The following FAT3 variants were observed in gnomAD, a reference collection of about 807,000 sequenced individuals.
The protein encoded by FAT3 is protocadherin Fat 3.
A neutral mutation model predicts 310.2 loss-of-function variants in FAT3; 95 were observed. That is an observed-to-expected ratio of 0.31 (90% CI 0.26 to 0.36). The LOEUF (loss-of-function observed/expected upper bound fraction) is 0.36. FAT3 is among the 10% of genes least tolerant of loss of function. The pLI is 1.00. For missense variants in FAT3, 5,408 were observed against 5,715.6 expected, an observed-to-expected ratio of 0.95 and a Z score of 1.74; for synonymous variants, 2,314 against 2,192.9, an observed-to-expected ratio of 1.06 and a Z score of -1.54.
intron 2 of FAT3, among the ~76,000 whole-genome samples, chr11:92,466,963 T>G (rs1466783682): frequency 6.6e-6 from 1 of 152,108 alleles, no homozygotes; most frequent in African/African-American, 2.4e-5. Context: ...GTGCCACATT[T>G]TCTTAATCCA....
chr11:92,790,476 G>A (rs1392624164), intron 8 of FAT3, among the ~76,000 whole-genome samples: 2 of 152,200 alleles, frequency 1.3e-5, no homozygotes, highest in Non-Finnish European at 2.9e-5. Flanking sequence ...GCTCCAAACA[G>A]ACTGACTTGA....
At chr11:92,511,427 A>G in intron 2 of FAT3, among the ~76,000 whole-genome samples, 1 of 152,142 alleles carries the variant, frequency 6.6e-6, no homozygotes, top group East Asian at 1.9e-4. Context: ...CTTGTCTTTA[A>G]AGAACCAGAC....
intron 3 of FAT3, among the ~76,000 whole-genome samples, chr11:92,603,979 A>C (rs1940155852): frequency 6.6e-6 from 1 of 152,164 alleles, no homozygotes; most frequent in African/African-American, 2.4e-5. Flanking sequence ...TTATATTCAA[A>C]ATGCTGTAAT....
chr11:92,767,145 A>T (rs1397331672), intron 6 of FAT3, among the ~76,000 whole-genome samples: 3 of 151,394 alleles, frequency 2.0e-5, no homozygotes, highest in Non-Finnish European at 4.4e-5. Flanking sequence ...GCTACTGGGG[A>T]GGCTGAGGCA....
intron 2 of FAT3, among the ~76,000 whole-genome samples, chr11:92,421,929 G>A (rs1950541015): frequency 6.6e-6 from 1 of 152,214 alleles, no homozygotes. Context: ...CATTTAGACA[G>A]TGAGAGATCC....
intron 1 of FAT3, among the ~76,000 whole-genome samples, chr11:92,329,428 CATAGTA>C (rs1947849867): frequency 1.3e-5 from 2 of 152,028 alleles, no homozygotes; most frequent in South Asian, 4.2e-4. Context: ...CTTCCCCTTC[CATAGTA>C]AGTAGAAGCA....
intron 2 of FAT3, among the ~76,000 whole-genome samples, chr11:92,465,888 A>C (rs554021669): frequency 1.3e-5 from 2 of 152,300 alleles, no homozygotes; most frequent in South Asian, 4.1e-4. Context: ...TGGATTGGTG[A>C]AACAGGGAAA....
At chr11:92,271,977 T>G (rs1030835571) in intron 1 of FAT3, among the ~76,000 whole-genome samples, 1 of 152,112 alleles carries the variant, frequency 6.6e-6, no homozygotes, top group African/African-American at 2.4e-5. Context: ...GGGGGTAGTT[T>G]GTGTGAGACT....
At chr11:92,869,287 A>G (rs1306588418) in intron 22 of FAT3, among the ~76,000 whole-genome samples, 1 of 152,192 alleles carries the variant, frequency 6.6e-6, no homozygotes. Flanking sequence ...GGCTACTCCC[A>G]AGCCTAGCCA....
chr11:92,829,115 A>G lies in FAT3; in HGVS notation c.9482-2507A>G, dbSNP rs368971382. Among the ~76,000 whole-genome samples, 4 of 152,310 alleles carry G rather than the reference A, an allele frequency of 2.6e-5. No homozygotes were observed. In the East Asian group the frequency reaches 7.7e-4, roughly 29 times the overall value. ...CTGAAAAGGAAAAATTTCCAAGCAT[A>G]GATCTCCTGAAATCCCTAAGGAGAT... On this transcript the variant is annotated intron_variant, in intron 13 of 27. Transcript: ENST00000525166.
chr11:92,557,220 C>G (rs1294266980), intron 3 of FAT3, among the ~76,000 whole-genome samples: 1 of 151,894 alleles, frequency 6.6e-6, no homozygotes, highest in Non-Finnish European at 1.5e-5. Context: ...CGTAAGTTTC[C>G]TGGCCTTACC....
In FAT3 at chr11:92,681,962, T is replaced by C. The variant is rs375095088; in HGVS notation, c.3608-15422T>C. Among the ~76,000 whole-genome samples, 5 of 152,290 alleles carry C rather than the reference T, an allele frequency of 3.3e-5. No individual in the cohort carries two copies. The East Asian group carries it at 7.7e-4, about 24-fold the overall frequency. ...ACAGAATAGAAATAAAGTGTGAAAA[T>C]GGGGAAACCATCCCTGTGCACTTTC... On this transcript the variant is annotated intron_variant, in intron 3 of 27. Transcript: ENST00000525166.
chr11:92,789,998 A>G lies in FAT3; in HGVS notation c.4391A>G (p.Asn1464Ser). The G allele has an allele frequency of 6.2e-7, 1 of 1,613,824 alleles. No individual in the cohort carries two copies. The highest frequency in any genetic ancestry group is 1.7e-5 in the Admixed American group (1 of 59,998). The change falls in exon 8 of 28, where the codon AAT becomes AGT. Residue 1464 changes from asparagine to serine, a missense_variant. Asn to Ser is a conservative substitution (Grantham distance 46). Transcript: ENST00000525166. ...AATGGCCCAGAATTCTCTCAGCCGA[A>G]TTACGATGTGACAATTTCCGAGGAT... is the stretch of plus-strand genomic sequence containing the variant. ...NDNGPEFSQP[N>S]YDVTISEDVL... is the part of the protein sequence containing the mutation.
At position 92,293,013 on chromosome 11, in the gene FAT3, AAAGGAAGGAAGGAAGGAAGGAAGG is replaced by A. The variant is rs71477581; in HGVS notation, c.-17-59040_-17-59017del. 7.9e-3 allele frequency among the ~76,000 whole-genome samples: 871 copies of A among 110,432 alleles called. 5 individuals are homozygous for A. The highest frequency in any genetic ancestry group is 0.028 in the Middle Eastern group (6 of 218). 72.4% of individuals were successfully genotyped at this position (110,432 alleles called of 152,430 possible). ...CCTGGACAACATGGCGAGACTCTGC[AAAGGAAGGAAGGAAGGAAGGAAGG>A]AAGGAAGGAAGGAAGGAAGGAAGGA... On this transcript the variant is annotated intron_variant, in intron 1 of 27. Transcript: ENST00000525166.
intron 3 of FAT3, among the ~76,000 whole-genome samples, chr11:92,595,290 CAG>C (rs1176726190): frequency 2.9e-4 from 44 of 152,108 alleles, no homozygotes. Context: ...CAAGGCTTCT[CAG>C]AGAGTCCTCC....
Position 92,663,031 on chromosome 11 carries a change from G to T in FAT3, c.3608-34353G>T, listed in dbSNP as rs144494017. Among the ~76,000 whole-genome samples the T allele has an allele frequency of 3.3e-3, 508 of 152,266 alleles. 4 individuals are homozygous for T. Among genetic ancestry groups the T allele is most frequent in the South Asian group, 0.011 (53 of 4,828 alleles). Reference sequence around the variant, plus strand: ...TAGGAAGACTGTGATGGGGTAGGCTGGAAGACATAAGACCATGCACCAGGG... The same window carrying T: ...TAGGAAGACTGTGATGGGGTAGGCTTGAAGACATAAGACCATGCACCAGGG... On this transcript the variant is annotated intron_variant, in intron 3 of 27. Transcript: ENST00000525166.
chr11:92,412,740 T>TATACAC lies in FAT3; in HGVS notation c.3292+57339_3292+57340insCACATA, dbSNP rs1555038610. On this transcript the variant is annotated intron_variant, in intron 2 of 27. Coordinates refer to ENST00000525166, the MANE Select transcript of FAT3 (RefSeq NM_001367949.2). ...ATATATATATATATATATATATATA[T>TATACAC]ATATAAATATACATACATATATATA... Among the ~76,000 whole-genome samples the TATACAC allele has an allele frequency of 7.9e-5, 6 of 76,384 alleles. 1 individual carries two copies. Among genetic ancestry groups the TATACAC allele is most frequent in the African/African-American group, 5.6e-4 (6 of 10,664 alleles). 50.1% of individuals were successfully genotyped at this position (76,384 alleles called of 152,430 possible).
Position 92,783,747 on chromosome 11 carries a change from T to C in FAT3, c.4336-6196T>C, listed in dbSNP as rs113104751. ...CTGCAGTGAGCCATGATTGTGCCACTGCGCTCCAGCCTAGGAGACAAAGGA... is the reference window on the plus strand; with the variant it reads ...CTGCAGTGAGCCATGATTGTGCCACCGCGCTCCAGCCTAGGAGACAAAGGA... On this transcript the variant is annotated intron_variant, in intron 7 of 27. Transcript: ENST00000525166. Among the ~76,000 whole-genome samples the C allele has an allele frequency of 8.5e-3, 1,301 of 152,264 alleles. 31 individuals are homozygous for C. The highest frequency in any genetic ancestry group is 0.03 in the African/African-American group (1,238 of 41,546).
rs184406279 is a variant in FAT3, at chr11:92,234,625, C to T, written c.-18+9451C>T. Among the ~76,000 whole-genome samples the T allele has an allele frequency of 6.6e-5, 10 of 152,148 alleles. No individual in the cohort carries two copies. The East Asian group carries it at 1.9e-3, about 29-fold the overall frequency. On this transcript the variant is annotated intron_variant, in intron 1 of 27. Coordinates refer to ENST00000525166, the MANE Select transcript of FAT3 (RefSeq NM_001367949.2). ...CTCTACTAAAAAATACAAAAATTGC[C>T]AGGCACGGTGGCTCATGCCTGTAAT...
Sources: gnomAD v4.1 joint callset for allele counts (sites outside exome capture counted in the v4.1 genomes callset) on GRCh38, gnomAD v4.1.1 for gene constraint, MANE v1.5 for transcripts, NCBI Gene and HGNC (gene_info 2026-07-23, HGNC 2026-07-21) for gene names.